The following PHF21B variants were observed in gnomAD, a reference collection of about 807,000 sequenced individuals.
PHF21B encodes PHD finger protein 21B, also known as PHD finger protein 4.
Under a neutral mutation model 62.2 loss-of-function variants are expected in PHF21B, and 22 were observed. The ratio of observed to expected loss-of-function variants is 0.35; its 90% CI spans 0.25 to 0.51. The LOEUF is 0.51. Ranked by LOEUF, PHF21B falls within the 20% of genes least tolerant of loss-of-function variation. PHF21B has a pLI of 0.97. For synonymous variants in PHF21B, 341 were observed against 314.7 expected, an observed-to-expected ratio of 1.08 and a Z score of -0.88; for missense variants, 701 against 707.9, an observed-to-expected ratio of 0.99 and a Z score of 0.11.
intron 2 of PHF21B, among the ~76,000 whole-genome samples, chr22:44,999,768 A>AC (rs991226010): frequency 6.6e-6 from 1 of 151,722 alleles, no homozygotes; most frequent in African/African-American, 2.4e-5. Context: ...TTCTCTACTC[A>AC]CCAGGGGTGT....
At chr22:44,908,928 G>A (rs984675640) in intron 5 of PHF21B, among the ~76,000 whole-genome samples, 1 of 152,146 alleles carries the variant, frequency 6.6e-6, no homozygotes, top group Non-Finnish European at 1.5e-5. Flanking sequence ...CTCCCAAGTA[G>A]CTGGGATTAC....
At chr22:44,999,724 C>G (rs1035525340) in intron 2 of PHF21B, among the ~76,000 whole-genome samples, 4 of 152,120 alleles carry the variant, frequency 2.6e-5, no homozygotes, top group African/African-American at 9.7e-5. Flanking sequence ...GGTCACGAAG[C>G]TGGGCACCCA....
At chr22:44,967,408 A>C (rs1308496275) in intron 2 of PHF21B, among the ~76,000 whole-genome samples, 1 of 151,896 alleles carries the variant, frequency 6.6e-6, no homozygotes, top group East Asian at 1.9e-4. Context: ...TTTTTAGTAG[A>C]GACGGGGTTT....
chr22:44,904,434 A>G (rs1048542492), intron 5 of PHF21B, among the ~76,000 whole-genome samples: 1 of 152,224 alleles, frequency 6.6e-6, no homozygotes, highest in Non-Finnish European at 1.5e-5. Context: ...TCTGTGGGTG[A>G]TAAAACCCTT....
intron 2 of PHF21B, among the ~76,000 whole-genome samples, chr22:44,974,180 G>A (rs1004013632): frequency 1.3e-5 from 2 of 152,126 alleles, no homozygotes; most frequent in East Asian, 1.9e-4. Context: ...TTGGGAGGCC[G>A]AGGCAGGTGG....
At chr22:45,000,659 G>A (rs1167337094) in intron 2 of PHF21B, 2 of 152,184 alleles carry the variant, frequency 1.3e-5, no homozygotes, top group African/African-American at 4.8e-5. Context: ...AGGTATCAAA[G>A]CGGACTCTTT....
chr22:44,904,980 G>GT (rs1181164122), intron 5 of PHF21B, among the ~76,000 whole-genome samples: 6 of 152,130 alleles, frequency 3.9e-5, no homozygotes, highest in African/African-American at 1.4e-4. Context: ...TGCCCTGGTA[G>GT]TTTTTTATGA....
intron 2 of PHF21B, among the ~76,000 whole-genome samples, chr22:44,948,760 A>G (rs2072130567): frequency 6.6e-6 from 1 of 152,086 alleles, no homozygotes; most frequent in Non-Finnish European, 1.5e-5. Context: ...ACATGGAAGC[A>G]GGCTTTTCAG....
chr22:44,888,091 C>G lies in PHF21B; in HGVS notation c.1069G>C (p.Ala357Pro). The change falls in exon 10 of 13, where the codon GCC becomes CCC. Residue 357 changes from alanine (A) to proline (P), a missense_variant. Ala to Pro is a conservative substitution (Grantham distance 27). Coordinates refer to ENST00000313237, the MANE Select transcript of PHF21B (RefSeq NM_138415.5). ...TGCAGGTTGGCCCCTCGCTTGCAGG[C>G]GGCACAGTGCTCATCGTGGGTGATC... Reference protein sequence around the residue: ...NEITHDEHCAACKRGANLQPC... With the variant: ...NEITHDEHCAPCKRGANLQPC... 6.5e-7 allele frequency: 1 copy of G among 1,544,532 alleles called. No homozygotes were observed. Among genetic ancestry groups the G allele is most frequent in the Non-Finnish European group, 8.7e-7 (1 of 1,144,634 alleles).
At chr22:44,984,453 G>C (rs1332038051) in intron 2 of PHF21B, among the ~76,000 whole-genome samples, 1 of 152,154 alleles carries the variant, frequency 6.6e-6, no homozygotes, top group East Asian at 1.9e-4. Context: ...GTTACACACA[G>C]ACTCCTGGAC....
At chr22:44,967,279 G>C (rs966481405) in intron 2 of PHF21B, 1 of 150,906 alleles carries the variant, frequency 6.6e-6, no homozygotes, top group Non-Finnish European at 1.5e-5. Context: ...GGAGTGCAGA[G>C]GCGCAATCTC....
At chr22:44,914,951 G>T (rs761256025) in intron 4 of PHF21B, among the ~76,000 whole-genome samples, 4 of 152,232 alleles carry the variant, frequency 2.6e-5, no homozygotes, top group East Asian at 3.9e-4. Flanking sequence ...CCAAGAAGAA[G>T]AATTCTCCAG....
chr22:44,923,492 A>T (rs1264879810), intron 2 of PHF21B, among the ~76,000 whole-genome samples: 1 of 152,210 alleles, frequency 6.6e-6, no homozygotes, highest in African/African-American at 2.4e-5. Flanking sequence ...CATAATCGAT[A>T]TAAGGGCAAA....
intron 5 of PHF21B, among the ~76,000 whole-genome samples, chr22:44,903,113 G>T (rs1206192696): frequency 2.6e-5 from 4 of 152,176 alleles, no homozygotes; most frequent in Non-Finnish European, 5.9e-5. Flanking sequence ...GACATATTTT[G>T]CCTGGCACTT....
In PHF21B at chr22:44,917,673, G is replaced by A. The variant is rs184069362; in HGVS notation, c.214-1043C>T. Among the ~76,000 whole-genome samples the A allele has an allele frequency of 1.9e-4, 29 of 152,308 alleles. No homozygotes were observed. In the East Asian group the frequency reaches 4.2e-3, roughly 22 times the overall value. On this transcript the variant is annotated intron_variant, in intron 3 of 12. Coordinates refer to ENST00000313237, the MANE Select transcript of PHF21B (RefSeq NM_138415.5). Reference sequence around the variant, plus strand: ...CCTCACCGGTAATAATGATGCTACCGTCGTTATCATTAGGGCCTGTCTGGC... The same window carrying A: ...CCTCACCGGTAATAATGATGCTACCATCGTTATCATTAGGGCCTGTCTGGC...
intron 12 of PHF21B, among the ~76,000 whole-genome samples, chr22:44,884,014 CCACCGCCACCACCAT>C: frequency 6.7e-6 from 1 of 150,064 alleles, no homozygotes; most frequent in Non-Finnish European, 1.5e-5. Flanking sequence ...ACCATTATCA[CCACCGCCACCACCAT>C]CACTGTGATC....
chr22:44,953,778 A>C (rs2072239995), intron 2 of PHF21B, among the ~76,000 whole-genome samples: 1 of 152,170 alleles, frequency 6.6e-6, no homozygotes, highest in African/African-American at 2.4e-5. Flanking sequence ...ATAATACCTA[A>C]CATCTTATGG....
chr22:44,949,758 C>T (rs1017916816), intron 2 of PHF21B, among the ~76,000 whole-genome samples: 2 of 152,142 alleles, frequency 1.3e-5, no homozygotes, highest in Middle Eastern at 3.2e-3. Flanking sequence ...CTCACAGAGC[C>T]GCGAGAACAG....
chr22:44,980,068 CAAAAAAAAAAAAAAAAAA>C (rs71190605), intron 2 of PHF21B, among the ~76,000 whole-genome samples: 1 of 57,198 alleles, frequency 1.7e-5, no homozygotes, highest in Non-Finnish European at 3.0e-5. Flanking sequence ...GACTTCGTCT[CAAAAAAAAAAAAAAAAAA>C]AAAAAAAAAA....
Sources: gnomAD v4.1 joint callset for allele counts (sites outside exome capture counted in the v4.1 genomes callset) on GRCh38, gnomAD v4.1.1 for gene constraint, MANE v1.5 for transcripts, NCBI Gene and HGNC (gene_info 2026-07-23, HGNC 2026-07-21) for gene names.